The following KLRF1 variants were observed in gnomAD, a reference collection of about 807,000 sequenced individuals.
KLRF1 encodes killer cell lectin-like receptor subfamily F member 1.
A neutral mutation model predicts 30.7 loss-of-function variants in KLRF1; 27 were observed. The ratio of observed to expected loss-of-function variants is 0.88; its 90% confidence interval spans 0.65 to 1.21. The LOEUF is 1.21. KLRF1 is among the 50% of genes most tolerant of loss of function. The pLI is 0.00. For missense variants in KLRF1, 246 were observed against 259.3 expected (o/e 0.95, Z 0.35); for synonymous variants, 92 against 89.3 (o/e 1.03, Z -0.17).
the KLRF1 span, among the ~76,000 whole-genome samples, chr12:9,814,101 G>C: frequency 1.4e-4 from 22 of 152,122 alleles, no homozygotes; most frequent in Non-Finnish European, 2.4e-4. Flanking sequence ...AGGCTGATTG[G>C]TGCCAGCCGT....
chr12:9,844,033 T>G (rs749919349), intron 5 of KLRF1, among the ~76,000 whole-genome samples: 13 of 152,276 alleles, frequency 8.5e-5, no homozygotes, highest in African/African-American at 3.1e-4. Flanking sequence ...ATATAACTGC[T>G]AAACAATATC....
intron 3 of KLRF1, among the ~76,000 whole-genome samples, chr12:9,837,056 T>G (rs764015241): frequency 2.0e-5 from 3 of 152,258 alleles, no homozygotes; most frequent in South Asian, 2.1e-4. Context: ...ACCATGTTTA[T>G]CTAGTTGAAA....
At chr12:9,809,837 A>G in the KLRF1 span, among the ~76,000 whole-genome samples, 1 of 152,072 alleles carries the variant, frequency 6.6e-6, no homozygotes, top group Non-Finnish European at 1.5e-5. Flanking sequence ...ATGCTGCTTT[A>G]TTTGATGTAA....
chr12:9,841,990 T>C, intron 4 of KLRF1, 39 bp downstream of exon 4: 2 of 1,562,234 alleles, frequency 1.3e-6, no homozygotes, highest in Non-Finnish European at 1.7e-6. Context: ...ATCTTTGCAG[T>C]AAAAAATGGC....
At chr12:9,806,587 T>G in the KLRF1 span, among the ~76,000 whole-genome samples, 3 of 152,102 alleles carry the variant, frequency 2.0e-5, no homozygotes, top group African/African-American at 7.2e-5. Context: ...GCCTTTTGAT[T>G]GGCTAATCCA....
chr12:9,837,584 T>C (rs1486294032), intron 3 of KLRF1, among the ~76,000 whole-genome samples: 1 of 152,094 alleles, frequency 6.6e-6, no homozygotes, highest in Non-Finnish European at 1.5e-5. Context: ...CCAAAGTCCT[T>C]ATTCATGAAA....
the KLRF1 span, among the ~76,000 whole-genome samples, chr12:9,814,587 C>G: frequency 6.6e-6 from 1 of 152,076 alleles, no homozygotes; most frequent in Non-Finnish European, 1.5e-5. Flanking sequence ...AAGACCCAGC[C>G]TGGCTGCTCG....
intron 5 of KLRF1, 120 bp from the exon 6 acceptor site, chr12:9,844,298 A>T (rs1867764706): frequency 1.7e-6 from 1 of 591,512 alleles, no homozygotes; most frequent in Non-Finnish European, 3.0e-6. Flanking sequence ...GAATCCAAGT[A>T]TGTAAAAATG....
chr12:9,805,911 G>A, the KLRF1 span, among the ~76,000 whole-genome samples: 1,265 of 151,820 alleles, frequency 8.3e-3, 22 homozygotes, highest in African/African-American at 0.029. Flanking sequence ...GGTATTTTCC[G>A]TATTTTCTTG....
chr12:9,802,844 G>A, the KLRF1 span, among the ~76,000 whole-genome samples: 1,098 of 152,042 alleles, frequency 7.2e-3, 10 homozygotes, highest in Non-Finnish European at 0.011. Flanking sequence ...TTCCATGCTC[G>A]TGGATAGGAA....
Position 9,844,509 on chromosome 12 carries a change from TG to T in KLRF1, c.681del (p.Trp227Ter), listed in dbSNP as rs775106369. The T allele has an allele frequency of 2.1e-5, 33 of 1,597,410 alleles. No homozygotes were observed. The highest frequency in any genetic ancestry group is 1.2e-4 in the Admixed American group (7 of 59,752). On this transcript the variant is annotated frameshift_variant, in exon 6 of 6. Transcript: ENST00000617889. LOFTEE classifies it high-confidence loss of function. ...FSETCSSVFK[W>X]ICQY ...TGAAACCTGCAGCAGTGTTTTCAAA[TG>T]GATTTGTCAGTATTAGAGTTTGACA...
At chr12:9,814,246 G>C in the KLRF1 span, among the ~76,000 whole-genome samples, 3 of 152,154 alleles carry the variant, frequency 2.0e-5, no homozygotes, top group African/African-American at 7.2e-5. Context: ...ACAGCCACTT[G>C]AGTGAGGTCG....
the KLRF1 span, among the ~76,000 whole-genome samples, chr12:9,805,149 A>G: frequency 6.6e-6 from 1 of 151,914 alleles, no homozygotes; most frequent in Non-Finnish European, 1.5e-5. Context: ...GGAAATTGTG[A>G]TTATCTATTC....
At chr12:9,825,333 A>T (rs1038036268), upstream of KLRF1, among the ~76,000 whole-genome samples, 3 of 151,378 alleles carry the variant, frequency 2.0e-5, no homozygotes, top group Non-Finnish European at 2.9e-5. Flanking sequence ...AGACCACTGG[A>T]CAGAAAGCCC....
At chr12:9,823,675 C>T (rs1867251129), upstream of KLRF1, among the ~76,000 whole-genome samples, 1 of 150,648 alleles carries the variant, frequency 6.6e-6, no homozygotes, top group African/African-American at 2.4e-5. Flanking sequence ...ACAAAAGAAA[C>T]ATCAAAAAGA....
At chr12:9,837,479 G>C (rs74950770) in intron 3 of KLRF1, among the ~76,000 whole-genome samples, 2,495 of 152,142 alleles carry the variant, frequency 0.016, 64 homozygotes, top group African/African-American at 0.057. Flanking sequence ...AGCCAAAGGT[G>C]AGATCTTAGG....
chr12:9,837,723 G>A (rs1867610306), intron 3 of KLRF1, among the ~76,000 whole-genome samples: 1 of 152,160 alleles, frequency 6.6e-6, no homozygotes, highest in Non-Finnish European at 1.5e-5. Flanking sequence ...TCGTTTGGTA[G>A]CCTCAAGGCA....
the KLRF1 span, among the ~76,000 whole-genome samples, chr12:9,814,427 A>T: frequency 1.3e-5 from 2 of 152,070 alleles, no homozygotes; most frequent in Admixed American, 1.3e-4. Flanking sequence ...TGAGCACAAC[A>T]TAGGGGATTG....
the KLRF1 span, chr12:9,817,688 C>T: frequency 8.1e-6 from 2 of 247,112 alleles, no homozygotes; most frequent in South Asian, 1.0e-4. Flanking sequence ...TCCTCAGTGG[C>T]TCCACTATAT....
Sources: gnomAD v4.1 joint callset for allele counts (sites outside exome capture counted in the v4.1 genomes callset) on GRCh38, gnomAD v4.1.1 for gene constraint, MANE v1.5 for transcripts, NCBI Gene and HGNC (gene_info 2026-07-23, HGNC 2026-07-21) for gene names.